TMEM132A: variants seen among roughly 807,000 people sequenced by gnomAD.
TMEM132A encodes the protein transmembrane protein 132A.
In TMEM132A, 48 loss-of-function variants were observed where a neutral mutation model predicts 69.9. The observed-to-expected ratio is 0.69, with a 90% CI of 0.55 to 0.87. The LOEUF (loss-of-function observed/expected upper bound fraction) is 0.87. TMEM132A is among the 40% of genes least tolerant of loss of function. The pLI is 0.00. For missense variants in TMEM132A, 1,287 were observed against 1,407.2 expected (o/e 0.91, Z 1.37); for synonymous variants, 577 against 613.7 (o/e 0.94, Z 0.88).
At chr11:60,924,858 G>A (rs1218884494) in intron 1 of TMEM132A, 125 bp downstream of exon 1, 4 of 679,706 alleles carry the variant, frequency 5.9e-6, no homozygotes, top group South Asian at 2.0e-5. Flanking sequence ...GCCCCGCAGC[G>A]CCCTGAAGGT....
intron 5 of TMEM132A, 69 bp downstream of exon 5, chr11:60,930,728 T>G (rs1454378128): frequency 9.6e-6 from 14 of 1,460,604 alleles, no homozygotes; most frequent in African/African-American, 1.4e-5. Flanking sequence ...TTGAGCAGAT[T>G]TGGAGGCTGC....
In TMEM132A at chr11:60,927,689, G is replaced by T. The variant is rs1856377492; in HGVS notation, c.364G>T (p.Asp122Tyr). ...GCCCCACCAACGGCCAGTCCCATGG[G>T]ACGTGCGGGCCGTTTCAGTGGAAGC... is the stretch of plus-strand genomic sequence containing the variant. Reference protein sequence around the residue: ...TEPHQRPVPWDVRAVSVEAAV... With the variant: ...TEPHQRPVPWYVRAVSVEAAV... Residue 122 changes from aspartate (D) to tyrosine (Y), a missense_variant, in exon 3 of 11, where the codon GAC becomes TAC. Asp to Tyr is a radical substitution (Grantham distance 160). Coordinates refer to ENST00000453848, the MANE Select transcript of TMEM132A (RefSeq NM_178031.3). The T allele has an allele frequency of 6.2e-7, 1 of 1,613,470 alleles. No individual in the cohort carries two copies.
intron 9 of TMEM132A, 59 bp downstream of exon 9, chr11:60,934,823 A>C: frequency 1.3e-6 from 2 of 1,507,820 alleles, no homozygotes; most frequent in Non-Finnish European, 1.8e-6. Flanking sequence ...GGCCCCCAAA[A>C]TGTTCGTGGG....
Position 60,924,528 on chromosome 11 carries a change from GGA to G in TMEM132A, c.-105_-104del. The G allele has an allele frequency of 1.3e-6, 1 of 791,584 alleles. No homozygotes were observed. Among genetic ancestry groups the G allele is most frequent in the African/African-American group, 1.9e-5 (1 of 51,304 alleles). The allele number at this position is 791,584 out of a possible 1,614,324, so 49.0% of individuals were successfully genotyped here. On this transcript the variant is annotated 5_prime_UTR_variant, in exon 1 of 11. Transcript: ENST00000453848. ...GCGGCGGCGGCGGCGGCGGCGGCCGGGACCCAGCGGGCCAGGTGGGGACGGCG... is the reference window on the plus strand; with the variant it reads ...GCGGCGGCGGCGGCGGCGGCGGCCGGCCCAGCGGGCCAGGTGGGGACGGCG...
In TMEM132A at chr11:60,927,241, G is replaced by A. The variant is rs753566200; in HGVS notation, c.138G>A (p.Leu46=). 4 of 1,613,404 alleles carry A rather than the reference G, an allele frequency of 2.5e-6. No individual in the cohort carries two copies. Among genetic ancestry groups the A allele is most frequent in the Non-Finnish European group, 3.4e-6 (4 of 1,179,992 alleles). Reference sequence around the variant, plus strand: ...AGGCTCCCCTGGACCCTGTCTACCTGCCGGCAGCCCTGGAGCTCCTAGACG... The same window carrying A: ...AGGCTCCCCTGGACCCTGTCTACCTACCGGCAGCCCTGGAGCTCCTAGACG... ...CGQAPLDPVY[L]PAALELLDAP... Residue 46 remains leucine (L), a synonymous_variant, in exon 2 of 11, where the codon CTG becomes CTA. Transcript: ENST00000453848.
intron 8 of TMEM132A, 138 bp from the exon 9 acceptor site, chr11:60,934,350 G>C: frequency 1.3e-6 from 1 of 786,412 alleles, no homozygotes; most frequent in South Asian, 2.9e-5. Flanking sequence ...AAGAGGGGCG[G>C]ATGTCTGCGT....
chr11:60,934,440 T>A, intron 8 of TMEM132A, 48 bp from the exon 9 acceptor site: 2 of 1,331,944 alleles, frequency 1.5e-6, no homozygotes, highest in Non-Finnish European at 9.6e-7. Flanking sequence ...CTGGGCAGGC[T>A]GGGGCCGCTC....
In TMEM132A at chr11:60,929,991, G is replaced by A. The variant is rs189637723; in HGVS notation, c.867-519G>A. 3.0e-3 allele frequency among the ~76,000 whole-genome samples: 464 copies of A among 152,294 alleles called. 5 individuals carry two copies. Among genetic ancestry groups the A allele is most frequent in the African/African-American group, 0.01 (435 of 41,562 alleles). ...AAGCACTGAGGGAGGTTCAAAGTGC[G>A]GTGGGAGCTCAGGTGAGTGGGTGCA... On this transcript the variant is annotated intron_variant, in intron 4 of 10. Transcript: ENST00000453848.
chr11:60,934,394 G>T (rs945085400), intron 8 of TMEM132A, 94 bp from the exon 9 acceptor site: 71 of 1,166,352 alleles, frequency 6.1e-5, no homozygotes, highest in East Asian at 5.4e-4. Context: ...ATTAGGAGCC[G>T]CCGGGGACGA....
chr11:60,930,801 C>T lies in TMEM132A; in HGVS notation c.1016+142C>T, dbSNP rs1856464697. The T allele has an allele frequency of 8.9e-6, 7 of 783,012 alleles. No homozygotes were observed. In the South Asian group the frequency reaches 1.4e-4, roughly 15 times the overall value. The allele number at this position is 783,012 out of a possible 1,614,324, so 48.5% of individuals were successfully genotyped here. On this transcript the variant is annotated intron_variant, in intron 5 of 10. Coordinates refer to ENST00000453848, the MANE Select transcript of TMEM132A (RefSeq NM_178031.3). ...GACAGATTTTTTCAAGGAAGCAGCA[C>T]AAAGCAGGCATAATCCATTCCTTCA...
intron 1 of TMEM132A, chr11:60,925,596 C>T (rs1285908458): frequency 1.3e-5 from 2 of 152,282 alleles, no homozygotes; most frequent in African/African-American, 2.4e-5. Context: ...GTCATATGCT[C>T]CTTGGTGGGG....
Position 60,936,090 on chromosome 11 carries a change from G to A in TMEM132A, c.2255G>A (p.Arg752His), listed in dbSNP as rs550430630. The change falls in exon 11 of 11, where the codon CGC (arginine) becomes CAC (histidine). Residue 752 changes from arginine (R) to histidine (H), a missense_variant. Physicochemically the swap from Arg to His is conservative, Grantham distance 29 (BLOSUM62 0). Coordinates refer to ENST00000453848, the MANE Select transcript of TMEM132A (RefSeq NM_178031.3). ...CCGCCCGAGCCCTGCCGCCGGGGCCGCCACCGTGTGCCTCTGGCCTCTGGC... is the reference window on the plus strand; with the variant it reads ...CCGCCCGAGCCCTGCCGCCGGGGCCACCACCGTGTGCCTCTGGCCTCTGGC... ...LHPPEPCRRGRHRVPLASGTA... is the reference protein window; with the variant it reads ...LHPPEPCRRGHHRVPLASGTA... 9.3e-5 allele frequency: 149 copies of A among 1,609,970 alleles called. No individual in the cohort carries two copies. Among genetic ancestry groups the A allele is most frequent in the Admixed American group, 1.7e-4 (10 of 59,818 alleles).
chr11:60,930,262 C>T (rs1856446779), intron 4 of TMEM132A, among the ~76,000 whole-genome samples: 1 of 152,110 alleles, frequency 6.6e-6, no homozygotes, highest in South Asian at 2.1e-4. Flanking sequence ...CCCTGGAGGG[C>T]CCCCAAATGC....
Position 60,937,038 on chromosome 11 carries a change from C to A in TMEM132A, c.*131C>A. ...TCCCCTGCCTGGTCCCCCACAAGGA[C>A]TCCCATCCAGGCCCCCTCTGCCCTG... is the stretch of plus-strand genomic sequence containing the variant. On this transcript the variant is annotated 3_prime_UTR_variant, in exon 11 of 11. Coordinates refer to ENST00000453848, the MANE Select transcript of TMEM132A (RefSeq NM_178031.3). 7.9e-7 allele frequency: 1 copy of A among 1,269,950 alleles called. No homozygotes were observed. Among genetic ancestry groups the A allele is most frequent in the Non-Finnish European group, 1.1e-6 (1 of 945,030 alleles). 78.7% of individuals were successfully genotyped at this position (1,269,950 alleles called of 1,614,324 possible).
chr11:60,932,257 G>C, intron 7 of TMEM132A, 130 bp downstream of exon 7: 1 of 1,153,340 alleles, frequency 8.7e-7, no homozygotes, highest in Non-Finnish European at 1.2e-6. Context: ...AACCTCATGG[G>C]AGGAACCACA....
At chr11:60,930,023 G>A (rs1487807179) in intron 4 of TMEM132A, among the ~76,000 whole-genome samples, 1 of 152,300 alleles carries the variant, frequency 6.6e-6, no homozygotes, top group East Asian at 1.9e-4. Flanking sequence ...TGCAGTAAGG[G>A]GGAAATTCAT....
At position 60,935,843 on chromosome 11, in the gene TMEM132A, CTG is replaced by C; in HGVS notation, c.2029-17_2029-16del. On this transcript the variant is annotated intron_variant, in intron 10 of 10. Coordinates refer to ENST00000453848, the MANE Select transcript of TMEM132A (RefSeq NM_178031.3). The surrounding 1 kb of genome is among the most constrained non-coding windows in gnomAD (Gnocchi z 5.0). ...CGTGCGTGCCCTCGCATGTCTCTGC[CTG>C]TGTCTGTGTGCCCCACAGGAGGTGG... 2 of 1,609,770 alleles carry C rather than the reference CTG, an allele frequency of 1.2e-6. No homozygotes were observed. The highest frequency in any genetic ancestry group is 1.7e-6 in the Non-Finnish European group (2 of 1,179,008).
In TMEM132A at chr11:60,927,189, C is replaced by T; in HGVS notation, c.101-15C>T. On this transcript the variant is annotated splice_polypyrimidine_tract_variant and intron_variant, in intron 1 of 10. Transcript: ENST00000453848. ...TCTGGAGCTGTCATCATCTCTCCCT[C>T]TTATGCCTCTTCAGTGGACTGTGGC... 3 of 1,609,416 alleles carry T rather than the reference C, an allele frequency of 1.9e-6. No homozygotes were observed. Among genetic ancestry groups the T allele is most frequent in the Non-Finnish European group, 2.5e-6 (3 of 1,178,722 alleles).
At position 60,936,114 on chromosome 11, in the gene TMEM132A, G is replaced by T. The variant is rs757170885; in HGVS notation, c.2279G>T (p.Gly760Val). The change falls in exon 11 of 11, where the codon GGC (glycine) becomes GTC (valine). Residue 760 changes from glycine to valine, a missense_variant. By Grantham distance (109) the Gly-to-Val change is moderately radical (BLOSUM62 -3). Transcript: ENST00000453848. ...CGCCACCGTGTGCCTCTGGCCTCTG[G>T]CACCGCCTGGCTGGGGCTGCCCCCT... ...RGRHRVPLAS[G>V]TAWLGLPPAS... 2.5e-6 allele frequency: 4 copies of T among 1,612,856 alleles called. No individual in the cohort carries two copies. The highest frequency in any genetic ancestry group is 3.4e-6 in the Non-Finnish European group (4 of 1,179,732).
Sources: gnomAD v4.1 joint callset for allele counts (sites outside exome capture counted in the v4.1 genomes callset) on GRCh38, gnomAD v4.1.1 for gene constraint, Gnocchi (gnomAD v3.1) non-coding constraint, MANE v1.5 for transcripts, NCBI Gene and HGNC (gene_info 2026-07-23, HGNC 2026-07-21) for gene names.